Variants in ITK observed in about 807,000 individuals in gnomAD.
ITK encodes IL2 inducible T cell kinase.
A neutral mutation model predicts 87.6 loss-of-function variants in ITK; 45 were observed. The observed-to-expected ratio is 0.51, with a 90% CI of 0.40 to 0.66. The LOEUF (loss-of-function observed/expected upper bound fraction) is 0.66. Ranked by LOEUF, ITK falls within the 30% of genes least tolerant of loss-of-function variation. The pLI is 0.00. For synonymous variants in ITK, 303 were observed against 273.6 expected, an observed-to-expected ratio of 1.11 and a Z score of -1.06; for missense variants, 605 against 766.3, an observed-to-expected ratio of 0.79 and a Z score of 2.48.
At chr5:157,236,018 A>G (rs1754767915) in intron 8 of ITK, among the ~76,000 whole-genome samples, 1 of 152,160 alleles carries the variant, frequency 6.6e-6, no homozygotes, top group Non-Finnish European at 1.5e-5. Context: ...TCTCCCATCA[A>G]CCTTCCAAAG....
At chr5:157,243,096 T>C (rs750305255) in intron 11 of ITK, among the ~76,000 whole-genome samples, 7 of 152,232 alleles carry the variant, frequency 4.6e-5, no homozygotes, top group Non-Finnish European at 8.8e-5. Context: ...GGTGAGGAAA[T>C]TGAGCCTCGG....
At chr5:157,243,593 A>C in intron 11 of ITK, 30 bp from the exon 12 acceptor site, 1 of 1,597,708 alleles carries the variant, frequency 6.3e-7, no homozygotes, top group Non-Finnish European at 8.6e-7. Context: ...CTGCTTGCTG[A>C]CCCCAGAGAA....
At chr5:157,182,705 C>T (rs979006410) in intron 1 of ITK, among the ~76,000 whole-genome samples, 46 of 152,266 alleles carry the variant, frequency 3.0e-4, no homozygotes, top group African/African-American at 1.1e-3. Flanking sequence ...AAAGAACAGT[C>T]ATGTACCTTT....
Position 157,214,273 on chromosome 5 carries a change from G to A in ITK, c.408G>A (p.Leu136=), listed in dbSNP as rs2113755882. 1.2e-6 allele frequency: 2 copies of A among 1,612,008 alleles called. No homozygotes were observed. Among genetic ancestry groups the A allele is most frequent in the African/African-American group, 1.3e-5 (1 of 75,006 alleles). The part of the protein sequence containing the change: ...MDGKWRCCSQ[L]EKLATGCAQY... ...GGAAGTGGAGGTGCTGTTCTCAGCT[G>A]GAGAAGCTTGCAACAGGCTGTGCCC... The change falls in exon 4 of 17, where the codon CTG becomes CTA. Residue 136 remains leucine, a synonymous_variant. Coordinates refer to ENST00000422843, the MANE Select transcript of ITK (RefSeq NM_005546.4).
chr5:157,203,952 G>A (rs1754025682), intron 1 of ITK, among the ~76,000 whole-genome samples: 1 of 152,146 alleles, frequency 6.6e-6, no homozygotes, highest in Admixed American at 6.5e-5. Context: ...GGGGAAGGGT[G>A]GGATAATAAC....
At chr5:157,215,256 C>A (rs925896888) in intron 4 of ITK, among the ~76,000 whole-genome samples, 1 of 152,276 alleles carries the variant, frequency 6.6e-6, no homozygotes, top group Middle Eastern at 3.4e-3. Flanking sequence ...CTCTTCTCAA[C>A]CTCTTTTGCC....
At chr5:157,239,481 T>C (rs926435052) in intron 9 of ITK, among the ~76,000 whole-genome samples, 1 of 149,000 alleles carries the variant, frequency 6.7e-6, no homozygotes, top group Non-Finnish European at 1.5e-5. Context: ...AAGTTCCAGA[T>C]ACCCAAAAGG....
intron 1 of ITK, among the ~76,000 whole-genome samples, chr5:157,189,365 C>T (rs1753706673): frequency 1.3e-5 from 2 of 152,260 alleles, no homozygotes; most frequent in South Asian, 4.1e-4. Flanking sequence ...GATTCTGACT[C>T]AGTCTGAAAG....
At chr5:157,204,565 G>A (rs1364049863) in intron 1 of ITK, among the ~76,000 whole-genome samples, 1 of 152,144 alleles carries the variant, frequency 6.6e-6, no homozygotes, top group Non-Finnish European at 1.5e-5. Flanking sequence ...TGGGCGTGGT[G>A]GCACATGCCT....
At chr5:157,234,402 A>G (rs1196537640) in intron 8 of ITK, among the ~76,000 whole-genome samples, 1 of 152,072 alleles carries the variant, frequency 6.6e-6, no homozygotes, top group East Asian at 1.9e-4. Flanking sequence ...ATTGAATGAC[A>G]TTTTCTTGCT....
intron 1 of ITK, among the ~76,000 whole-genome samples, chr5:157,200,885 A>G (rs1034558681): frequency 2.6e-5 from 4 of 152,290 alleles, no homozygotes; most frequent in African/African-American, 9.6e-5. Context: ...ATAGGGGTCT[A>G]CTGAGCACCT....
intron 1 of ITK, among the ~76,000 whole-genome samples, chr5:157,200,782 G>A (rs1753954547): frequency 6.6e-6 from 1 of 152,206 alleles, no homozygotes; most frequent in African/African-American, 2.4e-5. Flanking sequence ...AGGCACAAAG[G>A]AGGCCATGTG....
intron 10 of ITK, chr5:157,240,788 C>T (rs35601391): frequency 0.016 from 2,602 of 159,968 alleles, 29 homozygotes; most frequent in Non-Finnish European, 0.027. Flanking sequence ...AGAGTGATAA[C>T]TCATTTATTA....
At chr5:157,238,830 A>G (rs942298553) in intron 9 of ITK, among the ~76,000 whole-genome samples, 2 of 152,218 alleles carry the variant, frequency 1.3e-5, no homozygotes, top group African/African-American at 4.8e-5. Context: ...CTAAGAACCT[A>G]TCTAGGTCTC....
rs201892355 is a variant in ITK, at chr5:157,181,108, G to A, written c.131G>A (p.Arg44His). ...GCCAGCCTGGCATACTTTGAAGATC[G>A]TCATGGGGTATGTGAGCAGTTTCAT... ...TKASLAYFEDRHGKKRTLKGS... is the reference protein window; with the variant it reads ...TKASLAYFEDHHGKKRTLKGS... Residue 44 changes from arginine to histidine, a missense_variant, in exon 1 of 17, where the codon CGT (arginine) becomes CAT (histidine). Arg to His is a conservative substitution (Grantham distance 29). Transcript: ENST00000422843. 138 of 1,614,040 alleles carry A rather than the reference G, an allele frequency of 8.5e-5. No individual in the cohort carries two copies. The highest frequency in any genetic ancestry group is 1.1e-4 in the Non-Finnish European group (125 of 1,179,882).
intron 1 of ITK, among the ~76,000 whole-genome samples, chr5:157,185,832 A>ATT (rs1753630891): frequency 6.6e-6 from 1 of 152,166 alleles, no homozygotes; most frequent in African/African-American, 2.4e-5. Flanking sequence ...CAACAGGCTG[A>ATT]GACCTGGTCT....
In ITK at chr5:157,222,715, C is replaced by A. The variant is rs1252967419; in HGVS notation, c.496-148C>A. The A allele has an allele frequency of 4.1e-6, 3 of 738,098 alleles. No individual in the cohort carries two copies. In the African/African-American group the frequency reaches 5.2e-5, roughly 13 times the overall value. The allele number at this position is 738,098 out of a possible 1,614,324, so 45.7% of individuals were successfully genotyped here. A position where few individuals can be genotyped will look rare whatever the true frequency, so the allele number is the denominator to read the frequency against. On this transcript the variant is annotated intron_variant, in intron 5 of 16. Transcript: ENST00000422843. ...TGTGATGAATTCCAAGCACTGATGT[C>A]TTTGTGTCATGTTCAGCGCTGTAAC...
At chr5:157,247,261 A>G (rs1380429070) in intron 15 of ITK, among the ~76,000 whole-genome samples, 1 of 152,202 alleles carries the variant, frequency 6.6e-6, no homozygotes, top group Non-Finnish European at 1.5e-5. Flanking sequence ...CTATTTCTTA[A>G]AACAGTACCC....
Position 157,243,714 on chromosome 5 carries a change from C to T in ITK, c.1152C>T (p.Asn384=), listed in dbSNP as rs754601013. ...TGGTGCATCTGGGCTACTGGCTCAA[C>T]AAGGACAAGGTGGCTATCAAAACCA... is the stretch of plus-strand genomic sequence containing the variant. ...FGLVHLGYWL[N]KDKVAIKTIR... The change falls in exon 12 of 17, where the codon AAC becomes AAT. Residue 384 remains asparagine (N), a synonymous_variant. Transcript: ENST00000422843. 2 of 1,613,870 alleles carry T rather than the reference C, an allele frequency of 1.2e-6. No individual in the cohort carries two copies. Among genetic ancestry groups the T allele is most frequent in the Non-Finnish European group, 1.7e-6 (2 of 1,179,944 alleles).
Sources: gnomAD v4.1 joint callset for allele counts (sites outside exome capture counted in the v4.1 genomes callset) on GRCh38, gnomAD v4.1.1 for gene constraint, MANE v1.5 for transcripts, NCBI Gene and HGNC (gene_info 2026-07-23, HGNC 2026-07-21) for gene names.